Variants in SPAG16 observed in about 807,000 individuals in gnomAD.
SPAG16 encodes sperm associated antigen 16.
A neutral mutation model predicts 80.4 loss-of-function variants in SPAG16; 86 were observed. The ratio of observed to expected loss-of-function variants is 1.07; its 90% CI spans 0.90 to 1.28. SPAG16 has a LOEUF of 1.28. Among genes scored for constraint, SPAG16 ranks in the 50% most tolerant of loss-of-function variants. SPAG16 has a pLI of 0.00. For missense variants in SPAG16, 870 were observed against 765.3 expected (o/e 1.14, Z -1.61); for synonymous variants, 294 against 265.9 (o/e 1.11, Z -1.03).
intron 11 of SPAG16, among the ~76,000 whole-genome samples, chr2:213,904,025 C>T (rs976355285): frequency 2.0e-5 from 3 of 152,152 alleles, no homozygotes; most frequent in Non-Finnish European, 4.4e-5. Flanking sequence ...CAGCCTGAAC[C>T]TTATTGTCCA....
chr2:213,797,133 T>G (rs958850046), intron 10 of SPAG16, among the ~76,000 whole-genome samples: 2 of 152,128 alleles, frequency 1.3e-5, no homozygotes, highest in African/African-American at 4.8e-5. Flanking sequence ...ACAATGTATG[T>G]TTTAAGCTAA....
intron 9 of SPAG16, among the ~76,000 whole-genome samples, chr2:213,454,011 C>T (rs1380497569): frequency 6.6e-6 from 1 of 151,896 alleles, no homozygotes; most frequent in Non-Finnish European, 1.5e-5. Flanking sequence ...CTCTTTCTTC[C>T]TCCCCTTCTC....
chr2:214,155,302 A>C (rs531919845), intron 15 of SPAG16, among the ~76,000 whole-genome samples: 21 of 152,314 alleles, frequency 1.4e-4, no homozygotes, highest in African/African-American at 4.6e-4. Context: ...CACCAACAAG[A>C]ATGGGAAAAC....
intron 12 of SPAG16, among the ~76,000 whole-genome samples, chr2:214,007,635 ATATT>A (rs1399144759): frequency 6.6e-6 from 1 of 152,108 alleles, no homozygotes; most frequent in East Asian, 1.9e-4. Flanking sequence ...TCTGGGCTGA[ATATT>A]GAATTTTCAG....
chr2:213,352,158 CTT>C lies in SPAG16; in HGVS notation c.762+1525_762+1526del, dbSNP rs534931836. ...AACTTGAGCCAATTAAACCTCTAGT[CTT>C]TTTTTTTTTTTAATATATTTTTACC... On this transcript the variant is annotated intron_variant, in intron 7 of 15. Coordinates refer to ENST00000331683, the MANE Select transcript of SPAG16 (RefSeq NM_024532.5). 9.6e-3 allele frequency among the ~76,000 whole-genome samples: 1,363 copies of C among 141,750 alleles called. 19 individuals are homozygous for C. The highest frequency in any genetic ancestry group is 0.013 in the Non-Finnish European group (853 of 64,728). 93.0% of individuals were successfully genotyped at this position (141,750 alleles called of 152,430 possible).
At chr2:213,728,185 TA>T (rs2066860586) in intron 10 of SPAG16, among the ~76,000 whole-genome samples, 1 of 152,144 alleles carries the variant, frequency 6.6e-6, no homozygotes, top group African/African-American at 2.4e-5. Context: ...CTTAATGCAA[TA>T]ATCATTTTTT....
chr2:214,079,817 C>T (rs2051276270), intron 13 of SPAG16, among the ~76,000 whole-genome samples: 1 of 152,070 alleles, frequency 6.6e-6, no homozygotes. Context: ...TCTTCCCAAC[C>T]CCAGGTTTTT....
chr2:213,697,530 A>G (rs979583503), intron 10 of SPAG16, among the ~76,000 whole-genome samples: 1 of 152,208 alleles, frequency 6.6e-6, no homozygotes, highest in African/African-American at 2.4e-5. Context: ...TTTTGAGTAC[A>G]TGAGATTACC....
intron 15 of SPAG16, among the ~76,000 whole-genome samples, chr2:214,346,964 G>T (rs1447539669): frequency 6.6e-6 from 1 of 152,176 alleles, no homozygotes; most frequent in Non-Finnish European, 1.5e-5. Context: ...AAGCCATTAA[G>T]TTTGGGGTTT....
chr2:213,382,823 G>A (rs1407764293), intron 9 of SPAG16, among the ~76,000 whole-genome samples: 5 of 152,136 alleles, frequency 3.3e-5, no homozygotes, highest in Non-Finnish European at 5.9e-5. Flanking sequence ...TATAAAGATG[G>A]TCAAGGTTAC....
intron 14 of SPAG16, among the ~76,000 whole-genome samples, chr2:214,110,987 T>C (rs971131421): frequency 2.0e-5 from 3 of 152,160 alleles, no homozygotes; most frequent in African/African-American, 7.2e-5. Flanking sequence ...ATTTTTTTTT[T>C]CCTAGTAAAT....
intron 15 of SPAG16, among the ~76,000 whole-genome samples, chr2:214,404,211 C>T (rs1017576226): frequency 3.3e-5 from 5 of 152,040 alleles, no homozygotes; most frequent in Non-Finnish European, 7.4e-5. Context: ...TGCTAAGATA[C>T]TTGGACATTA....
chr2:213,300,794 A>T (rs988373646), intron 3 of SPAG16, among the ~76,000 whole-genome samples: 3 of 152,160 alleles, frequency 2.0e-5, no homozygotes, highest in Non-Finnish European at 2.9e-5. Flanking sequence ...AACTCAGATA[A>T]ATAAGTGCTG....
At chr2:214,387,386 G>A (rs1268290544) in intron 15 of SPAG16, among the ~76,000 whole-genome samples, 1 of 152,168 alleles carries the variant, frequency 6.6e-6, no homozygotes, top group Non-Finnish European at 1.5e-5. Context: ...AAACAGAGCA[G>A]CATCTCAGTA....
intron 6 of SPAG16, among the ~76,000 whole-genome samples, chr2:213,345,793 G>A (rs535622698): frequency 6.0e-4 from 91 of 152,036 alleles, no homozygotes; most frequent in Non-Finnish European, 1.0e-3. Context: ...GCCTTGTAGT[G>A]TAGTTTGAAG....
intron 11 of SPAG16, among the ~76,000 whole-genome samples, chr2:213,901,521 T>C (rs1045086473): frequency 2.0e-5 from 3 of 152,082 alleles, no homozygotes; most frequent in Non-Finnish European, 2.9e-5. Context: ...CCACTGGTAA[T>C]TCAGTAAAAG....
intron 10 of SPAG16, among the ~76,000 whole-genome samples, chr2:213,503,689 A>G (rs975000403): frequency 3.9e-5 from 6 of 152,238 alleles, no homozygotes; most frequent in African/African-American, 1.4e-4. Flanking sequence ...CTTAAAAATA[A>G]ATCATTAAAC....
At chr2:213,362,341 A>T (rs2066028836) in intron 7 of SPAG16, among the ~76,000 whole-genome samples, 1 of 152,212 alleles carries the variant, frequency 6.6e-6, no homozygotes, top group African/African-American at 2.4e-5. Context: ...CCCATACAGA[A>T]GAATCTCGAG....
chr2:213,659,894 G>T (rs932901810), intron 10 of SPAG16, among the ~76,000 whole-genome samples: 3 of 151,536 alleles, frequency 2.0e-5, no homozygotes, highest in Non-Finnish European at 4.4e-5. Flanking sequence ...TTATGTGCAG[G>T]TTTATTTTTA....
Sources: allele counts gnomAD v4.1 joint callset (sites outside exome capture counted in the v4.1 genomes callset), GRCh38; gene constraint gnomAD v4.1.1; transcripts MANE v1.5; gene names NCBI Gene and HGNC (gene_info 2026-07-23, HGNC 2026-07-21).